The following SASH3 variants were observed in gnomAD, a reference collection of about 807,000 sequenced individuals.
The protein encoded by SASH3 is SAM and SH3 domain containing 3, also known as SAM and SH3 domain-containing protein 3.
SASH3 carries 7 observed loss-of-function variants against 26.1 expected under a neutral mutation model. The observed-to-expected ratio is 0.27, with a 90% confidence interval of 0.15 to 0.50. The LOEUF is 0.50. SASH3 is among the 20% of genes least tolerant of loss of function. The pLI, the probability that SASH3 is intolerant of heterozygous loss-of-function variation, is 0.98. For missense variants in SASH3, 231 were observed against 318.3 expected (o/e 0.73, Z 2.09); for synonymous variants, 138 against 136.8 (o/e 1.01, Z -0.06).
Position 129,794,132 on chromosome X carries a change from G to C in SASH3, c.*300G>C. The C allele has an allele frequency of 6.0e-6, 2 of 335,846 alleles. No individual in the cohort carries two copies. Among genetic ancestry groups the C allele is most frequent in the Non-Finnish European group, 1.1e-5 (2 of 189,537 alleles). The allele number at this position is 335,846 out of a possible 1,213,427, so 27.7% of individuals were successfully genotyped here. On this transcript the variant is annotated 3_prime_UTR_variant, in exon 8 of 8. Coordinates refer to ENST00000356892, the MANE Select transcript of SASH3 (RefSeq NM_018990.4). ...CCTGCCATGGCCACGGCCACAGCAAGTGGGGCACTGGGAAACCCTGCCCAT... is the reference window on the plus strand; with the variant it reads ...CCTGCCATGGCCACGGCCACAGCAACTGGGGCACTGGGAAACCCTGCCCAT...
chrX:129,788,547 G>C lies in SASH3; in HGVS notation c.270G>C (p.Lys90Asn). Residue 90 changes from lysine to asparagine, a missense_variant, in exon 3 of 8, where the codon AAG (lysine) becomes AAC (asparagine). Transcript: ENST00000356892. ...GAACCATGAACAGGAAGATGGGCAA[G>C]ATGATGGTGAAGGCCCTGTCAGAAG... The part of the protein sequence containing the change: ...ISRTMNRKMG[K>N]MMVKALSEEM... 3.3e-6 allele frequency: 4 copies of C among 1,212,201 alleles called. No homozygotes were observed. Among genetic ancestry groups the C allele is most frequent in the Non-Finnish European group, 4.5e-6 (4 of 895,565 alleles).
chrX:129,782,790 C>T (rs1296007879), intron 1 of SASH3, among the ~76,000 whole-genome samples: 1 of 111,916 alleles, frequency 8.9e-6, no homozygotes, highest in African/African-American at 3.3e-5. Context: ...GAGGAGGGTG[C>T]GGGCCCTCTA....
intron 1 of SASH3, 80 bp from the exon 2 acceptor site, chrX:129,787,895 T>C: frequency 2.8e-6 from 2 of 724,956 alleles, no homozygotes; most frequent in Non-Finnish European, 4.3e-6. Flanking sequence ...CTGTGGGTAT[T>C]GTGTGGTGGG....
chrX:129,781,170 A>C (rs902869514), intron 1 of SASH3, among the ~76,000 whole-genome samples: 1 of 112,086 alleles, frequency 8.9e-6, no homozygotes, highest in Non-Finnish European at 1.9e-5. Context: ...TCCCCCGCCA[A>C]TTTTCCCTGG....
At chrX:129,780,793 G>A in intron 1 of SASH3, among the ~76,000 whole-genome samples, 1 of 112,981 alleles carries the variant, frequency 8.9e-6, no homozygotes, top group Non-Finnish European at 1.9e-5. Context: ...GATGCAGGGG[G>A]CATACAGGTT....
At chrX:129,784,014 C>T (rs1927062691) in intron 1 of SASH3, among the ~76,000 whole-genome samples, 1 of 111,337 alleles carries the variant, frequency 9.0e-6, no homozygotes, top group Non-Finnish European at 1.9e-5. Context: ...TGAACATCCC[C>T]ATGTAGACAG....
chrX:129,785,520 TAA>T lies in SASH3; in HGVS notation c.58-2452_58-2451del, dbSNP rs1927091802. ...GTGATTATCTCCTCCCACTTTGGAC[TAA>T]AACTGAGACAGAGGGACCCTCGCAC... On this transcript the variant is annotated intron_variant, in intron 1 of 7. Coordinates refer to ENST00000356892, the MANE Select transcript of SASH3 (RefSeq NM_018990.4). Among the ~76,000 whole-genome samples, 4 of 112,102 alleles carry T rather than the reference TAA, an allele frequency of 3.6e-5. No homozygotes were observed. The South Asian group carries it at 1.5e-3, about 42-fold the overall frequency.
At chrX:129,792,919 C>T (rs765669197) in intron 6 of SASH3, 70 bp from the exon 7 acceptor site, 14 of 1,197,511 alleles carry the variant, frequency 1.2e-5, no homozygotes, top group Middle Eastern at 2.3e-4. Context: ...GACAGCTATG[C>T]GTAGTTGGGG....
chrX:129,789,169 A>AAGAGAG (rs112301444), intron 3 of SASH3, among the ~76,000 whole-genome samples: 2 of 36,418 alleles, frequency 5.5e-5, no homozygotes, highest in East Asian at 1.3e-3. Flanking sequence ...AAGAAAGAGA[A>AAGAGAG]AAAAAAAAAA....
At chrX:129,791,685 G>A (rs1927234875) in intron 4 of SASH3, among the ~76,000 whole-genome samples, 1 of 111,947 alleles carries the variant, frequency 8.9e-6, no homozygotes, top group Admixed American at 9.5e-5. Context: ...CGCCTTTCTT[G>A]CCCCTCAAGT....
At chrX:129,787,392 C>A (rs1393979027) in intron 1 of SASH3, among the ~76,000 whole-genome samples, 1 of 112,100 alleles carries the variant, frequency 8.9e-6, no homozygotes, top group Non-Finnish European at 1.9e-5. Context: ...TAAGCCTCTA[C>A]TGTGCTTTTC....
chrX:129,789,110 AAAGAAAG>A (rs751838303), intron 3 of SASH3, among the ~76,000 whole-genome samples: 46 of 19,823 alleles, frequency 2.3e-3, no homozygotes, highest in African/African-American at 0.011. Flanking sequence ...TCAAAAAAAA[AAAGAAAG>A]AAAGAAAGAA....
At chrX:129,789,828 C>A (rs926830190) in intron 3 of SASH3, among the ~76,000 whole-genome samples, 1 of 111,784 alleles carries the variant, frequency 8.9e-6, no homozygotes, top group East Asian at 2.8e-4. Flanking sequence ...TGGGCTTATA[C>A]CAGCTCACAA....
At position 129,792,671 on chromosome X, in the gene SASH3, G is replaced by A. The variant is rs764834271; in HGVS notation, c.636G>A (p.Thr212=). 5.0e-6 allele frequency: 6 copies of A among 1,209,631 alleles called. No individual in the cohort carries two copies. Among genetic ancestry groups the A allele is most frequent in the African/African-American group, 3.5e-5 (2 of 57,327 alleles). ...TCATTGAAAAGCCACCTGTGGGCAC[G>A]TGGCTGGGCCTACTCAATGGCAAGG... is the stretch of plus-strand genomic sequence containing the variant. ...IQIIEKPPVG[T]WLGLLNGKVG... The change falls in exon 6 of 8, where the codon ACG becomes ACA. Residue 212 remains threonine (T), a synonymous_variant. Transcript: ENST00000356892.
chrX:129,780,139 C>T lies in SASH3; in HGVS notation c.42C>T (p.Pro14=), dbSNP rs1259495135. ...CCTCCAATGCCAGTGAGAAGGAGCC[C>T]ACTCAGAAGAAAAAGGTGAGGAGCA... ...RKPSNASEKE[P]TQKKKLSLQR... is the part of the protein sequence containing the mutation. The change falls in exon 1 of 8, where the codon CCC becomes CCT. Residue 14 remains proline (P), a synonymous_variant. Coordinates refer to ENST00000356892, the MANE Select transcript of SASH3 (RefSeq NM_018990.4). The T allele has an allele frequency of 8.3e-7, 1 of 1,210,289 alleles. No homozygotes were observed. The highest frequency in any genetic ancestry group is 1.8e-5 in the South Asian group (1 of 56,883).
chrX:129,788,137 G>GGGGGGGC, intron 2 of SASH3, 67 bp downstream of exon 2: 7 of 354,241 alleles, frequency 2.0e-5, no homozygotes, highest in East Asian at 6.3e-5. Context: ...GGGTGGGAGG[G>GGGGGGGC]AAGAGGGTGA....
At chrX:129,788,133 G>GGGGGGGGC (rs2124077330) in intron 2 of SASH3, 63 bp downstream of exon 2, 4 of 312,598 alleles carry the variant, frequency 1.3e-5, no homozygotes, top group Non-Finnish European at 1.9e-5. Context: ...GTGGGGGTGG[G>GGGGGGGGC]AGGGAAGAGG....
intron 3 of SASH3, among the ~76,000 whole-genome samples, chrX:129,789,101 C>CA (rs1247572106): frequency 5.6e-4 from 13 of 23,341 alleles, no homozygotes; most frequent in Admixed American, 2.5e-3. Context: ...GACTCTGTCT[C>CA]AAAAAAAAAA....
Position 129,793,995 on chromosome X carries a change from TC to T in SASH3, c.*165del. ...GAGGCCAGGCCAGGGCCCTACAGGT[TC>T]CAGGCTCAGCTGGAGTGGTTGGGGA... On this transcript the variant is annotated 3_prime_UTR_variant, in exon 8 of 8. Coordinates refer to ENST00000356892, the MANE Select transcript of SASH3 (RefSeq NM_018990.4). 2.0e-6 allele frequency: 1 copy of T among 502,649 alleles called. No individual in the cohort carries two copies. The highest frequency in any genetic ancestry group is 3.2e-6 in the Non-Finnish European group (1 of 312,922). The allele number at this position is 502,649 out of a possible 1,213,427, so 41.4% of individuals were successfully genotyped here. A position where few individuals can be genotyped will look rare whatever the true frequency, so the allele number is the denominator to read the frequency against.
Sources: allele counts gnomAD v4.1 joint callset (sites outside exome capture counted in the v4.1 genomes callset), GRCh38; gene constraint gnomAD v4.1.1; transcripts MANE v1.5; gene names NCBI Gene and HGNC (gene_info 2026-07-23, HGNC 2026-07-21).